The following SMAD9 variants were observed in gnomAD, a reference collection of about 807,000 sequenced individuals.
The protein encoded by SMAD9 is MAD homolog 9.
In SMAD9, 36 loss-of-function variants were observed where a neutral mutation model predicts 46.1. The observed-to-expected ratio is 0.78, with a 90% CI of 0.60 to 1.03. The LOEUF (loss-of-function observed/expected upper bound fraction) is 1.03, where lower values mean the gene tolerates loss of function less well. Among genes scored for constraint, SMAD9 ranks in the 50% least tolerant of loss-of-function variants. The pLI is 0.00. For synonymous variants in SMAD9, 245 were observed against 237.1 expected, an observed-to-expected ratio of 1.03 and a Z score of -0.31; for missense variants, 572 against 599.8, an observed-to-expected ratio of 0.95 and a Z score of 0.48.
rs2058387279 is a variant in SMAD9 at position 36,879,820 on chromosome 13, T to C, written c.-131A>G. The C allele has an allele frequency of 2.0e-6, 2 of 993,826 alleles. No homozygotes were observed. The highest frequency in any genetic ancestry group is 2.9e-5 in the South Asian group (2 of 69,246). The allele number at this position is 993,826 out of a possible 1,614,324, so 61.6% of individuals were successfully genotyped here. On this transcript the variant is annotated 5_prime_UTR_variant, in exon 2 of 7. Transcript: ENST00000379826. ...TTCTTCTGGGAGCAGCTGGGACCAA[T>C]TCAAGTTGCGAAGTGTGTTGACTTT...
At chr13:36,855,703 T>A (rs1306026430) in intron 5 of SMAD9, among the ~76,000 whole-genome samples, 2 of 152,196 alleles carry the variant, frequency 1.3e-5, no homozygotes, top group Non-Finnish European at 2.9e-5. Context: ...CTTTGTCAGG[T>A]CCTAAGTAGC....
rs2058044914 is a variant in SMAD9, at chr13:36,847,542, G to A, written c.*1134C>T. On this transcript the variant is annotated 3_prime_UTR_variant, in exon 7 of 7. Coordinates refer to ENST00000379826, the MANE Select transcript of SMAD9 (RefSeq NM_001127217.3). The stretch of plus-strand genomic sequence containing the variant: ...TATGAAATTATTATCACTTTCCTTG[G>A]GAATTTATTTCCAGGTTAGATAATC... 1 of 152,090 alleles carries A rather than the reference G, an allele frequency of 6.6e-6. No individual in the cohort carries two copies. The highest frequency in any genetic ancestry group is 2.1e-4 in the South Asian group (1 of 4,828). 9.4% of individuals were successfully genotyped at this position (152,090 alleles called of 1,614,324 possible). A position where few individuals can be genotyped will look rare whatever the true frequency, so the allele number is the denominator to read the frequency against.
At position 36,861,727 on chromosome 13, in the gene SMAD9, G is replaced by A. The variant is rs557764992; in HGVS notation, c.1003+3810C>T. 4.3e-4 allele frequency among the ~76,000 whole-genome samples: 64 copies of A among 149,578 alleles called. No individual in the cohort carries two copies. The South Asian group carries it at 0.014, about 32-fold the overall frequency. On this transcript the variant is annotated intron_variant, in intron 5 of 6. Transcript: ENST00000379826. Reference sequence around the variant, plus strand: ...GGGGATCACCCGAGGTCAGGAGTTCGAGACCAGCCTGGCCAACATGAAGAA... The same window carrying A: ...GGGGATCACCCGAGGTCAGGAGTTCAAGACCAGCCTGGCCAACATGAAGAA...
At chr13:36,850,992 C>T (rs1029317939) in intron 6 of SMAD9, among the ~76,000 whole-genome samples, 5 of 152,178 alleles carry the variant, frequency 3.3e-5, no homozygotes, top group Admixed American at 2.6e-4. Context: ...CAGGTGGGGG[C>T]GACTCTCACC....
intron 6 of SMAD9, chr13:36,849,582 C>G (rs999800697): frequency 6.6e-6 from 1 of 150,622 alleles, no homozygotes; most frequent in African/African-American, 2.5e-5. Flanking sequence ...TCACAACCCA[C>G]CCCCCAGTCC....
chr13:36,862,005 C>A (rs1218347152), intron 5 of SMAD9, among the ~76,000 whole-genome samples: 2 of 151,920 alleles, frequency 1.3e-5, no homozygotes, highest in African/African-American at 4.8e-5. Context: ...GCAATCTTTT[C>A]GAAAGTGTAA....
At chr13:36,906,348 A>C (rs1276480119) in intron 1 of SMAD9, among the ~76,000 whole-genome samples, 1 of 152,160 alleles carries the variant, frequency 6.6e-6, no homozygotes, top group African/African-American at 2.4e-5. Context: ...CCACGTAAGT[A>C]TCTTAGATGT....
At chr13:36,905,760 G>A (rs2058613733) in intron 1 of SMAD9, among the ~76,000 whole-genome samples, 1 of 83,502 alleles carries the variant, frequency 1.2e-5, no homozygotes, top group African/African-American at 4.5e-5. Flanking sequence ...AGATAAAAGG[G>A]CAAGACCCTG....
intron 2 of SMAD9, among the ~76,000 whole-genome samples, chr13:36,878,177 C>A (rs4941852): frequency 7.4e-6 from 1 of 136,020 alleles, no homozygotes; most frequent in Non-Finnish European, 1.5e-5. Flanking sequence ...AATATACATA[C>A]ACACACACAC....
Position 36,848,649 on chromosome 13 carries a change from A to G in SMAD9, c.*27T>C. ...CACTCCCTGCAATAGCCTCTATCCT[A>G]TGGAAATGCAGCTTAAGACATGACT... On this transcript the variant is annotated 3_prime_UTR_variant, in exon 7 of 7. Coordinates refer to ENST00000379826, the MANE Select transcript of SMAD9 (RefSeq NM_001127217.3). 1.9e-6 allele frequency: 3 copies of G among 1,611,484 alleles called. No individual in the cohort carries two copies. Among genetic ancestry groups the G allele is most frequent in the Non-Finnish European group, 2.5e-6 (3 of 1,177,548 alleles).
chr13:36,914,255 C>A (rs1266877193), intron 1 of SMAD9, among the ~76,000 whole-genome samples: 3 of 152,230 alleles, frequency 2.0e-5, no homozygotes, highest in African/African-American at 7.2e-5. Flanking sequence ...CGCGGTGGAT[C>A]ACGCCTGTAA....
At position 36,860,481 on chromosome 13, in the gene SMAD9, G is replaced by A. The variant is rs917469611; in HGVS notation, c.1003+5056C>T. Among the ~76,000 whole-genome samples the A allele has an allele frequency of 5.7e-5, 8 of 140,966 alleles. No individual in the cohort carries two copies. In the South Asian group the frequency reaches 6.7e-4, roughly 12 times the overall value. The allele number at this position is 140,966 out of a possible 152,430, so 92.5% of individuals were successfully genotyped here. A position where few individuals can be genotyped will look rare whatever the true frequency, so the allele number is the denominator to read the frequency against. On this transcript the variant is annotated intron_variant, in intron 5 of 6. Transcript: ENST00000379826. ...TTTTTTTTTTTTGAGATGGAGTCTC[G>A]CTCTGTCGCCCAGGCTGGAGTGCAG...
Position 36,867,363 on chromosome 13 carries a change from A to G in SMAD9, c.691T>C (p.Tyr231His), listed in dbSNP as rs1390957798. 3.9e-6 allele frequency: 6 copies of G among 1,550,638 alleles called. No individual in the cohort carries two copies. The highest frequency in any genetic ancestry group is 2.7e-5 in the African/African-American group (2 of 73,134). The change falls in exon 4 of 7, where the codon TAT becomes CAT. Residue 231 changes from tyrosine (Y) to histidine (H), a missense_variant. Transcript: ENST00000379826. ...GTCTCAGAGGCTTCTGTGGCATGATAAGGCAGGGGTGGTGTGTCAACTAAA... is the reference window on the plus strand; with the variant it reads ...GTCTCAGAGGCTTCTGTGGCATGATGAGGCAGGGGTGGTGTGTCAACTAAA... ...QHSVDTPPLPYHATEASETQS... is the reference protein window; with the variant it reads ...QHSVDTPPLPHHATEASETQS...
intron 1 of SMAD9, among the ~76,000 whole-genome samples, chr13:36,906,213 T>C (rs1194802610): frequency 1.3e-5 from 2 of 152,324 alleles, no homozygotes; most frequent in East Asian, 3.9e-4. Flanking sequence ...GCTGGCTAGG[T>C]ATCTTTTATT....
chr13:36,872,920 G>C lies in SMAD9; in HGVS notation c.413-5C>G. 3 of 1,614,104 alleles carry C rather than the reference G, an allele frequency of 1.9e-6. No individual in the cohort carries two copies. Among genetic ancestry groups the C allele is most frequent in the Non-Finnish European group, 2.5e-6 (3 of 1,179,992 alleles). On this transcript the variant is annotated splice_region_variant and splice_polypyrimidine_tract_variant and intron_variant, in intron 2 of 6. Coordinates refer to ENST00000379826, the MANE Select transcript of SMAD9 (RefSeq NM_001127217.3). The stretch of plus-strand genomic sequence containing the variant: ...GCACGAGCACAGGAGGCAGTACTAG[G>C]ATCAGAAAGGAACAAGGCAGTTAGA...
chr13:36,882,602 T>C (rs1219197654), intron 1 of SMAD9, among the ~76,000 whole-genome samples: 2 of 152,158 alleles, frequency 1.3e-5, no homozygotes, highest in Non-Finnish European at 2.9e-5. Flanking sequence ...CACAGGCCCT[T>C]GCATTGAGGG....
chr13:36,866,283 G>GA (rs1225140407), intron 4 of SMAD9, among the ~76,000 whole-genome samples: 5 of 144,572 alleles, frequency 3.5e-5, no homozygotes, highest in South Asian at 2.2e-4. Flanking sequence ...ATTATTTAAG[G>GA]AAAAAAAAAG....
intron 1 of SMAD9, among the ~76,000 whole-genome samples, chr13:36,905,570 A>C (rs1037548355): frequency 9.2e-5 from 14 of 152,046 alleles, no homozygotes; most frequent in African/African-American, 3.4e-4. Context: ...AGCCTGGGCA[A>C]CATAGCCAAA....
At position 36,886,567 on chromosome 13, in the gene SMAD9, G is replaced by A. The variant is rs2058446680; in HGVS notation, c.-186-6692C>T. ...ACTCATTCACATATCTCAGCAAATG[G>A]CCCTGATATGAATGCCTATCATGTG... On this transcript the variant is annotated intron_variant, in intron 1 of 6. Coordinates refer to ENST00000379826, the MANE Select transcript of SMAD9 (RefSeq NM_001127217.3). Among the ~76,000 whole-genome samples, 4 of 152,258 alleles carry A rather than the reference G, an allele frequency of 2.6e-5. No individual in the cohort carries two copies. In the South Asian group the frequency reaches 8.3e-4, roughly 31 times the overall value.
Sources: allele counts gnomAD v4.1 joint callset (sites outside exome capture counted in the v4.1 genomes callset), GRCh38; gene constraint gnomAD v4.1.1; transcripts MANE v1.5; gene names NCBI Gene and HGNC (gene_info 2026-07-23, HGNC 2026-07-21).